The following ABCA9 variants were observed in gnomAD, a reference collection of about 807,000 sequenced individuals.
The protein encoded by ABCA9 is ATP-binding cassette sub-family A member 9.
A neutral mutation model predicts 205.3 loss-of-function variants in ABCA9; 183 were observed. The observed-to-expected ratio is 0.89, with a 90% confidence interval of 0.79 to 1.01. ABCA9 has a LOEUF of 1.01. Among genes scored for constraint, ABCA9 ranks in the 50% least tolerant of loss-of-function variants. The pLI, the probability that ABCA9 is intolerant of heterozygous loss-of-function variation, is 0.00. For missense variants in ABCA9, 1,805 were observed against 1,912.4 expected (o/e 0.94, Z 1.05); for synonymous variants, 651 against 683.3 (o/e 0.95, Z 0.74).
At chr17:69,041,511 C>T (rs2071536325) in intron 6 of ABCA9, among the ~76,000 whole-genome samples, 1 of 152,024 alleles carries the variant, frequency 6.6e-6, no homozygotes, top group Non-Finnish European at 1.5e-5. Flanking sequence ...CAAGACCAGC[C>T]TGGCCAACAT....
At chr17:69,056,684 T>G (rs992813771) in intron 1 of ABCA9, among the ~76,000 whole-genome samples, 1 of 152,198 alleles carries the variant, frequency 6.6e-6, no homozygotes, top group African/African-American at 2.4e-5. Context: ...TCTGTATCTT[T>G]CAACTCCTCG....
Position 69,035,260 on chromosome 17 carries a change from C to T in ABCA9, c.1114G>A (p.Val372Ile), listed in dbSNP as rs1161142897. Reference sequence around the variant, plus strand: ...TTAACTCTTACCTGGGCCATCCCAACAGTGAAGGCAAAGGGGCTAAGAAGA... The same window carrying T: ...TTAACTCTTACCTGGGCCATCCCAATAGTGAAGGCAAAGGGGCTAAGAAGA... Reference protein sequence around the residue: ...LCLLSPFAFTVGMAQLIHLDY... With the variant: ...LCLLSPFAFTIGMAQLIHLDY... Residue 372 changes from valine to isoleucine, a missense_variant, in exon 8 of 39, where the codon GTT becomes ATT. By Grantham distance (29) the Val-to-Ile change is conservative. Coordinates refer to ENST00000340001, the MANE Select transcript of ABCA9 (RefSeq NM_080283.4). 6.3e-7 allele frequency: 1 copy of T among 1,584,306 alleles called. No individual in the cohort carries two copies.
At chr17:69,021,599 C>A in intron 18 of ABCA9, 143 bp downstream of exon 18, 1 of 554,266 alleles carries the variant, frequency 1.8e-6, no homozygotes, top group Non-Finnish European at 3.1e-6. Context: ...AATCATAGCA[C>A]CAACAAAAGT....
chr17:69,001,674 A>G, intron 25 of ABCA9, among the ~76,000 whole-genome samples: 1 of 150,172 alleles, frequency 6.7e-6, no homozygotes. Flanking sequence ...ATTGATTGGA[A>G]TAGTTTCAGA....
At chr17:69,005,874 T>G (rs1205124863) in intron 25 of ABCA9, among the ~76,000 whole-genome samples, 1 of 152,246 alleles carries the variant, frequency 6.6e-6, no homozygotes, top group Non-Finnish European at 1.5e-5. Flanking sequence ...ATAAGGAGAC[T>G]TCCATTTTCT....
intron 22 of ABCA9, among the ~76,000 whole-genome samples, chr17:69,012,922 T>TCAA (rs1412351849): frequency 1.3e-5 from 2 of 152,020 alleles, no homozygotes; most frequent in African/African-American, 4.8e-5. Context: ...GTCCATGAGT[T>TCAA]CAACTGTTTT....
rs1815217053 is a variant in ABCA9 at position 69,045,116 on chromosome 17, C to G, written c.469+56G>C. ...TTCACCTCTGCTATCAGGTATGCCC[C>G]CTTTGTGGCTACTGATACAATAGCA... is the stretch of plus-strand genomic sequence containing the variant. On this transcript the variant is annotated intron_variant, in intron 4 of 38. Coordinates refer to ENST00000340001, the MANE Select transcript of ABCA9 (RefSeq NM_080283.4). The G allele has an allele frequency of 3.4e-6, 5 of 1,467,814 alleles. No individual in the cohort carries two copies. The East Asian group carries it at 1.2e-4, about 34-fold the overall frequency. The allele number at this position is 1,467,814 out of a possible 1,614,324, so 90.9% of individuals were successfully genotyped here.
At chr17:69,065,909 C>T (rs1046112680), upstream of ABCA9, among the ~76,000 whole-genome samples, 1 of 152,106 alleles carries the variant, frequency 6.6e-6, no homozygotes, top group Admixed American at 6.5e-5. Context: ...TTATAAGGGG[C>T]TTTTCCCCCC....
intron 12 of ABCA9, among the ~76,000 whole-genome samples, chr17:69,028,105 C>T (rs1370166666): frequency 6.6e-6 from 1 of 152,058 alleles, no homozygotes; most frequent in East Asian, 1.9e-4. Flanking sequence ...ATAAGAAAAA[C>T]TTCTAAAATT....
chr17:69,027,151 T>C (rs1200787614), intron 14 of ABCA9, 37 bp from the exon 15 acceptor site: 1 of 1,607,740 alleles, frequency 6.2e-7, no homozygotes, highest in Non-Finnish European at 8.5e-7. Context: ...ATTCCACCCT[T>C]TCGGATAAGA....
At chr17:69,002,058 C>CA (rs2069895803) in intron 25 of ABCA9, among the ~76,000 whole-genome samples, 1 of 151,372 alleles carries the variant, frequency 6.6e-6, no homozygotes, top group Non-Finnish European at 1.5e-5. Context: ...TTGATCCTTT[C>CA]AAAAAACCAG....
chr17:69,036,236 C>A (rs1363579487), intron 6 of ABCA9, among the ~76,000 whole-genome samples: 1 of 152,124 alleles, frequency 6.6e-6, no homozygotes, highest in Non-Finnish European at 1.5e-5. Flanking sequence ...GCAGGCTGTA[C>A]AGTTTCTGTT....
intron 5 of ABCA9, 73 bp from the exon 6 acceptor site, chr17:69,043,788 T>A: frequency 1.6e-6 from 2 of 1,242,874 alleles, no homozygotes; most frequent in Non-Finnish European, 1.1e-6. Flanking sequence ...CTCTAAATTA[T>A]AAGGAATCAC....
In ABCA9 at chr17:68,984,968, C is replaced by G; in HGVS notation, c.4296G>C (p.Val1432=). ...CTGACGGGTTCCCCAGGATGCTCAG[C>G]ACAAAGCACAGCTGCAACGGGAGGA... is the stretch of plus-strand genomic sequence containing the variant. ...SEGIKRKLCF[V]LSILGNPSVV... Residue 1432 remains valine (V), a synonymous_variant, in exon 34 of 39, where the codon GTG becomes GTC. Coordinates refer to ENST00000340001, the MANE Select transcript of ABCA9 (RefSeq NM_080283.4). The G allele has an allele frequency of 6.2e-7, 1 of 1,614,200 alleles. No homozygotes were observed. The highest frequency in any genetic ancestry group is 8.5e-7 in the Non-Finnish European group (1 of 1,180,046).
the ABCA9 span, among the ~76,000 whole-genome samples, chr17:69,067,006 GATAA>G: frequency 2.6e-5 from 4 of 152,238 alleles, no homozygotes; most frequent in South Asian, 2.1e-4. Flanking sequence ...TATTGAAACT[GATAA>G]ATAGTGAGTG....
At chr17:69,026,306 T>C (rs1346323262) in intron 16 of ABCA9, 71 bp downstream of exon 16, 1 of 1,248,794 alleles carries the variant, frequency 8.0e-7, no homozygotes, top group South Asian at 1.3e-5. Flanking sequence ...CTTTTACACA[T>C]TGATGCTGAT....
chr17:69,024,557 G>A (rs2070921568), intron 16 of ABCA9, among the ~76,000 whole-genome samples: 1 of 152,148 alleles, frequency 6.6e-6, no homozygotes, highest in Non-Finnish European at 1.5e-5. Flanking sequence ...TAGTATAAGG[G>A]ATGATTAGAG....
chr17:69,058,155 G>T (rs2072127542), intron 1 of ABCA9, among the ~76,000 whole-genome samples: 1 of 152,204 alleles, frequency 6.6e-6, no homozygotes, highest in Non-Finnish European at 1.5e-5. Context: ...AAAGGTAGTA[G>T]TTCAAGTCTT....
In ABCA9 at chr17:69,035,727, G is replaced by A. The variant is rs766075944; in HGVS notation, c.875C>T (p.Ala292Val). ...AAAACCAGTCAGGACGACAATTTGTGCAGATTTTACAATAAGAGCCATTAA... is the reference window on the plus strand; with the variant it reads ...AAAACCAGTCAGGACGACAATTTGTACAGATTTTACAATAAGAGCCATTAA... ...ATLMALIVKS[A>V]QIVVLTGFVM... is the part of the protein sequence containing the mutation. Residue 292 changes from alanine (A) to valine (V), a missense_variant, in exon 7 of 39, where the codon GCA (alanine) becomes GTA (valine). Coordinates refer to ENST00000340001, the MANE Select transcript of ABCA9 (RefSeq NM_080283.4). 1 of 1,613,634 alleles carries A rather than the reference G, an allele frequency of 6.2e-7. No homozygotes were observed. Among genetic ancestry groups the A allele is most frequent in the South Asian group, 1.1e-5 (1 of 91,048 alleles).
Sources: allele counts gnomAD v4.1 joint callset (sites outside exome capture counted in the v4.1 genomes callset), GRCh38; gene constraint gnomAD v4.1.1; transcripts MANE v1.5; gene names NCBI Gene and HGNC (gene_info 2026-07-23, HGNC 2026-07-21).